DHX36: variants seen among roughly 807,000 people sequenced by gnomAD.
DHX36 encodes the protein DEAH-box helicase 36.
A neutral mutation model predicts 139.0 loss-of-function variants in DHX36; 50 were observed. The ratio of observed to expected loss-of-function variants is 0.36; its 90% CI spans 0.29 to 0.46. The LOEUF is 0.46. Ranked by LOEUF, DHX36 falls within the 20% of genes least tolerant of loss-of-function variation. The pLI is 1.00. For synonymous variants in DHX36, 425 were observed against 401.9 expected, an observed-to-expected ratio of 1.06 and a Z score of -0.69; for missense variants, 1,024 against 1,211.3, an observed-to-expected ratio of 0.85 and a Z score of 2.29.
chr3:154,288,899 T>C lies in DHX36; in HGVS notation c.1998A>G (p.Ala666=). Residue 666 remains alanine (A), a synonymous_variant, in exon 17 of 25, where the codon GCA becomes GCG. Transcript: ENST00000496811. ...SRLMDPPSNE[A]VLLSIRHLME... is the part of the protein sequence containing the mutation. Reference sequence around the variant, plus strand: ...TCAGGTGTCTTATGGAGAGTAACACTGCCTCATTTGATGGTGGGTCCATTA... The same window carrying C: ...TCAGGTGTCTTATGGAGAGTAACACCGCCTCATTTGATGGTGGGTCCATTA... The C allele has an allele frequency of 6.3e-7, 1 of 1,593,676 alleles. No individual in the cohort carries two copies. The highest frequency in any genetic ancestry group is 1.7e-4 in the Middle Eastern group (1 of 5,970).
Position 154,305,503 on chromosome 3 carries a change from G to C in DHX36, c.894-335C>G, listed in dbSNP as rs78815221. Among the ~76,000 whole-genome samples the C allele has an allele frequency of 3.9e-5, 6 of 152,314 alleles. No homozygotes were observed. In the East Asian group the frequency reaches 1.2e-3, roughly 29 times the overall value. ...AAAAGGCAAATGTGTCAGGCATGGT[G>C]GCTCAGGCTTGTAATCCCAACACTT... is the stretch of plus-strand genomic sequence containing the variant. On this transcript the variant is annotated intron_variant, in intron 6 of 24. Transcript: ENST00000496811.
intron 15 of DHX36, among the ~76,000 whole-genome samples, chr3:154,291,118 G>C (rs1208795650): frequency 2.8e-5 from 3 of 108,136 alleles, no homozygotes; most frequent in African/African-American, 1.1e-4. Context: ...CTGGGCGACA[G>C]AGCGAGACTC....
chr3:154,283,411 CT>C (rs1719392176), intron 19 of DHX36, 140 bp from the exon 20 acceptor site: 2 of 619,664 alleles, frequency 3.2e-6, no homozygotes, highest in African/African-American at 3.7e-5. Context: ...AATTTTATAA[CT>C]GATAAAACTA....
chr3:154,286,819 T>C (rs2108338599), intron 17 of DHX36, among the ~76,000 whole-genome samples: 1 of 152,094 alleles, frequency 6.6e-6, no homozygotes, highest in African/African-American at 2.4e-5. Context: ...TTTACTATTA[T>C]TATTTTTTTT....
chr3:154,278,085 ATAAT>A (rs1231437584), intron 22 of DHX36, among the ~76,000 whole-genome samples: 9 of 152,152 alleles, frequency 5.9e-5, no homozygotes, highest in Non-Finnish European at 1.2e-4. Context: ...AGTACCTAAA[ATAAT>A]TAAGTGATTC....
At chr3:154,306,384 T>C in intron 5 of DHX36, 89 bp from the exon 6 acceptor site, 3 of 1,099,922 alleles carry the variant, frequency 2.7e-6, no homozygotes, top group South Asian at 2.7e-5. Flanking sequence ...TGTTGAAAAA[T>C]TGTTCTTCAG....
intron 10 of DHX36, 60 bp downstream of exon 10, chr3:154,300,927 C>G (rs1385666822): frequency 6.3e-7 from 1 of 1,593,816 alleles, no homozygotes; most frequent in Non-Finnish European, 8.5e-7. Context: ...ATGCCCCCAG[C>G]CTCTGGCTTT....
intron 1 of DHX36, among the ~76,000 whole-genome samples, chr3:154,323,428 A>G (rs1254198404): frequency 6.6e-6 from 1 of 152,202 alleles, no homozygotes. Flanking sequence ...GCCTATACTA[A>G]GAAAGTTCCT....
At chr3:154,315,904 A>G (rs759879784) in intron 2 of DHX36, 135 bp downstream of exon 2, 71 of 1,065,970 alleles carry the variant, frequency 6.7e-5, no homozygotes, top group Non-Finnish European at 8.5e-5. Context: ...GTCATTTTCT[A>G]AATCTGTTTA....
chr3:154,297,160 T>C (rs967739316), intron 12 of DHX36, among the ~76,000 whole-genome samples: 9 of 152,188 alleles, frequency 5.9e-5, no homozygotes, highest in African/African-American at 1.9e-4. Flanking sequence ...GATCAAAAGA[T>C]GTTGACACTT....
At position 154,273,958 on chromosome 3, in the gene DHX36, C is replaced by T. The variant is rs988193021; in HGVS notation, c.*2213G>A. The stretch of plus-strand genomic sequence containing the variant: ...ACATTGCAAAATCAAGAGTATAATA[C>T]TCAGTGATGGATAGTGTATGTTTCT... On this transcript the variant is annotated 3_prime_UTR_variant, in exon 25 of 25. Transcript: ENST00000496811. 6.6e-6 allele frequency: 1 copy of T among 152,124 alleles called. No homozygotes were observed. Among genetic ancestry groups the T allele is most frequent in the African/African-American group, 2.4e-5 (1 of 41,412 alleles). The allele number at this position is 152,124 out of a possible 1,614,324, so 9.4% of individuals were successfully genotyped here. A position where few individuals can be genotyped will look rare whatever the true frequency, so the allele number is the denominator to read the frequency against.
intron 3 of DHX36, among the ~76,000 whole-genome samples, chr3:154,312,510 TAAAAA>T (rs1395709675): frequency 6.6e-6 from 1 of 151,650 alleles, no homozygotes; most frequent in Non-Finnish European, 1.5e-5. Flanking sequence ...TTCAGTGGCA[TAAAAA>T]TAAAGTCAGC....
At chr3:154,280,350 G>A in intron 22 of DHX36, 1 of 457,674 alleles carries the variant, frequency 2.2e-6, no homozygotes, top group South Asian at 3.8e-5. Context: ...TCATGTGGTA[G>A]CATTCTTTGT....
chr3:154,318,204 A>G (rs1436130131), intron 1 of DHX36, among the ~76,000 whole-genome samples: 1 of 152,152 alleles, frequency 6.6e-6, no homozygotes, highest in Non-Finnish European at 1.5e-5. Context: ...TGATAAAACA[A>G]CAAACCTGAA....
At chr3:154,314,992 T>A (rs1408466890) in intron 3 of DHX36, 54 bp downstream of exon 3, 1 of 1,289,302 alleles carries the variant, frequency 7.8e-7, no homozygotes, top group East Asian at 2.4e-5. Flanking sequence ...TACATACATT[T>A]TTATAAAGTG....
At position 154,275,893 on chromosome 3, in the gene DHX36, C is replaced by T; in HGVS notation, c.*278G>A. On this transcript the variant is annotated 3_prime_UTR_variant, in exon 25 of 25. Transcript: ENST00000496811. ...AAGGAATTTCTCAAGTGGTACAATACTCAATATATATAAAGGGAATATACT... is the reference window on the plus strand; with the variant it reads ...AAGGAATTTCTCAAGTGGTACAATATTCAATATATATAAAGGGAATATACT... 1 of 208,404 alleles carries T rather than the reference C, an allele frequency of 4.8e-6. No homozygotes were observed. The highest frequency in any genetic ancestry group is 9.3e-6 in the Non-Finnish European group (1 of 106,954). The allele number at this position is 208,404 out of a possible 1,614,324, so 12.9% of individuals were successfully genotyped here. A position where few individuals can be genotyped will look rare whatever the true frequency, so the allele number is the denominator to read the frequency against.
At chr3:154,306,183 T>G in intron 6 of DHX36, 33 bp downstream of exon 6, 1 of 1,478,478 alleles carries the variant, frequency 6.8e-7, no homozygotes, top group Non-Finnish European at 9.4e-7. Context: ...TTCACTAAAA[T>G]CTGCCTGTAT....
intron 23 of DHX36, among the ~76,000 whole-genome samples, chr3:154,277,120 C>T (rs560623270): frequency 3.9e-5 from 6 of 152,280 alleles, no homozygotes; most frequent in African/African-American, 1.4e-4. Context: ...AAACTAAGCA[C>T]TACTCTGAAC....
Position 154,289,806 on chromosome 3 carries a change from T to C in DHX36, c.1835A>G (p.Tyr612Cys), listed in dbSNP as rs1374135662. Residue 612 changes from tyrosine (Y) to cysteine (C), a missense_variant, in exon 16 of 25, where the codon TAT becomes TGT. Tyr to Cys is a radical substitution (Grantham distance 194, BLOSUM62 -2). Coordinates refer to ENST00000496811, the MANE Select transcript of DHX36 (RefSeq NM_020865.3). Reference sequence around the variant, plus strand: ...TGCTCTAAGACCATTATACAGATGATAGCAATGACCAGGTTGAACTCTTAA... The same window carrying C: ...TGCTCTAAGACCATTATACAGATGACAGCAATGACCAGGTTGAACTCTTAA... ...RAGRVQPGHC[Y>C]HLYNGLRASL... is the part of the protein sequence containing the mutation. 1 of 1,604,674 alleles carries C rather than the reference T, an allele frequency of 6.2e-7. No individual in the cohort carries two copies. The highest frequency in any genetic ancestry group is 8.5e-7 in the Non-Finnish European group (1 of 1,175,878).
Sources: allele counts gnomAD v4.1 joint callset (sites outside exome capture counted in the v4.1 genomes callset), GRCh38; gene constraint gnomAD v4.1.1; transcripts MANE v1.5; gene names NCBI Gene and HGNC (gene_info 2026-07-23, HGNC 2026-07-21).